The following ADAMTSL1 variants were observed in gnomAD, a reference collection of about 807,000 sequenced individuals.
The protein encoded by ADAMTSL1 is ADAMTS like 1, also known as ADAMTS-like protein 1.
A neutral mutation model predicts 201.8 loss-of-function variants in ADAMTSL1; 126 were observed. The ratio of observed to expected loss-of-function variants is 0.62; its 90% CI spans 0.54 to 0.72. The LOEUF (loss-of-function observed/expected upper bound fraction) is 0.72, where lower values mean the gene tolerates loss of function less well. Among genes scored for constraint, ADAMTSL1 ranks in the 30% least tolerant of loss-of-function variants. ADAMTSL1 has a pLI of 0.00. For missense variants in ADAMTSL1, 2,679 were observed against 2,277.8 expected (o/e 1.18, Z -3.59); for synonymous variants, 1,121 against 903.4 (o/e 1.24, Z -4.32).
At chr9:18,356,439 G>C (rs1261215917) in intron 2 of ADAMTSL1, among the ~76,000 whole-genome samples, 1 of 149,600 alleles carries the variant, frequency 6.7e-6, no homozygotes, top group Admixed American at 6.8e-5. Flanking sequence ...AAGGCAGGAA[G>C]GTCAATTGAA....
chr9:18,467,771 C>T (rs1039825971), intron 2 of ADAMTSL1, among the ~76,000 whole-genome samples: 1 of 152,118 alleles, frequency 6.6e-6, no homozygotes, highest in Non-Finnish European at 1.5e-5. Flanking sequence ...GTATTTCAAT[C>T]GAGGTGGAGC....
chr9:18,182,995 A>G (rs1009714517), intron 2 of ADAMTSL1, among the ~76,000 whole-genome samples: 1 of 152,220 alleles, frequency 6.6e-6, no homozygotes, highest in Non-Finnish European at 1.5e-5. Flanking sequence ...TACTGGGTTC[A>G]AAACTAGACC....
intron 23 of ADAMTSL1, among the ~76,000 whole-genome samples, chr9:18,838,562 C>G (rs546648863): frequency 5.4e-4 from 82 of 152,220 alleles, no homozygotes; most frequent in Non-Finnish European, 1.0e-3. Context: ...CATGGTGATT[C>G]ACACCTGTAA....
chr9:18,015,139 G>A (rs1820204837), intron 1 of ADAMTSL1, among the ~76,000 whole-genome samples: 1 of 152,008 alleles, frequency 6.6e-6, no homozygotes, highest in Non-Finnish European at 1.5e-5. Flanking sequence ...TATTGATCTA[G>A]GGAAGTGAGA....
At chr9:18,391,855 C>CTT (rs1838063320) in intron 2 of ADAMTSL1, among the ~76,000 whole-genome samples, 2 of 124,008 alleles carry the variant, frequency 1.6e-5, no homozygotes, top group African/African-American at 3.0e-5. Flanking sequence ...GATGGAGCCT[C>CTT]GCTCTGCAGC....
chr9:18,686,625 A>C (rs1213222528), intron 13 of ADAMTSL1, among the ~76,000 whole-genome samples: 2 of 152,230 alleles, frequency 1.3e-5, no homozygotes, highest in East Asian at 3.9e-4. Flanking sequence ...ATTTTACCTA[A>C]ATAAACTCTT....
chr9:18,136,788 A>T (rs1826175841), intron 1 of ADAMTSL1, among the ~76,000 whole-genome samples: 1 of 152,146 alleles, frequency 6.6e-6, no homozygotes, highest in South Asian at 2.1e-4. Flanking sequence ...GGCAAGGAGT[A>T]AGACCTTATT....
chr9:18,005,830 C>G (rs1165728718), intron 1 of ADAMTSL1, among the ~76,000 whole-genome samples: 5 of 152,018 alleles, frequency 3.3e-5, no homozygotes, highest in Non-Finnish European at 7.4e-5. Context: ...GGCCTCTTCT[C>G]TGCCTCTCTT....
intron 2 of ADAMTSL1, among the ~76,000 whole-genome samples, chr9:18,240,204 C>G (rs1412643306): frequency 1.3e-5 from 2 of 152,150 alleles, no homozygotes; most frequent in Non-Finnish European, 2.9e-5. Flanking sequence ...AAAGTCAAAA[C>G]TAATCCTTAA....
intron 9 of ADAMTSL1, among the ~76,000 whole-genome samples, chr9:18,666,204 C>G (rs755906544): frequency 1.3e-5 from 2 of 152,180 alleles, no homozygotes; most frequent in Non-Finnish European, 2.9e-5. Flanking sequence ...TTGTTGCTCT[C>G]TGCTGGTGTC....
intron 1 of ADAMTSL1, among the ~76,000 whole-genome samples, chr9:17,958,168 A>G (rs894511773): frequency 6.6e-6 from 1 of 152,046 alleles, no homozygotes; most frequent in Non-Finnish European, 1.5e-5. Context: ...AAACCCTACT[A>G]TTTAAGAAGG....
At chr9:18,393,414 C>T (rs1838133613) in intron 2 of ADAMTSL1, among the ~76,000 whole-genome samples, 1 of 152,164 alleles carries the variant, frequency 6.6e-6, no homozygotes, top group Non-Finnish European at 1.5e-5. Context: ...TCTCAAGACT[C>T]ACCCAGTTTT....
intron 2 of ADAMTSL1, among the ~76,000 whole-genome samples, chr9:18,165,315 C>T (rs1827584500): frequency 6.6e-6 from 1 of 151,820 alleles, no homozygotes; most frequent in African/African-American, 2.4e-5. Context: ...ACTTCATAAA[C>T]AAGTCTAATT....
intron 2 of ADAMTSL1, among the ~76,000 whole-genome samples, chr9:18,223,894 A>G (rs1419222443): frequency 6.6e-6 from 1 of 152,010 alleles, no homozygotes; most frequent in African/African-American, 2.4e-5. Context: ...GTTCCTCCAT[A>G]GAGGTTGTAT....
At chr9:18,298,730 A>G (rs1833574949) in intron 2 of ADAMTSL1, among the ~76,000 whole-genome samples, 1 of 152,016 alleles carries the variant, frequency 6.6e-6, no homozygotes, top group African/African-American at 2.4e-5. Context: ...GTGTCAGTCA[A>G]GAACAATAAT....
intron 1 of ADAMTSL1, among the ~76,000 whole-genome samples, chr9:18,007,170 G>A (rs904121826): frequency 6.6e-6 from 1 of 151,970 alleles, no homozygotes; most frequent in Non-Finnish European, 1.5e-5. Context: ...GTTTAAGCCA[G>A]GTTCCTCAAA....
intron 4 of ADAMTSL1, among the ~76,000 whole-genome samples, chr9:18,597,811 C>G (rs1296871790): frequency 6.6e-6 from 1 of 151,996 alleles, no homozygotes; most frequent in African/African-American, 2.4e-5. Flanking sequence ...GATTTTGAGC[C>G]TTTGAACATA....
intron 2 of ADAMTSL1, among the ~76,000 whole-genome samples, chr9:18,253,299 A>C: frequency 6.6e-6 from 1 of 152,230 alleles, no homozygotes; most frequent in Non-Finnish European, 1.5e-5. Flanking sequence ...AGGGAATGAA[A>C]GGGACCCTGG....
chr9:18,877,294 C>A (rs1828225496), intron 23 of ADAMTSL1, among the ~76,000 whole-genome samples: 1 of 152,040 alleles, frequency 6.6e-6, no homozygotes, highest in East Asian at 1.9e-4. Context: ...CCAGTGTGAT[C>A]TTTTGGGAGT....
Sources: allele counts gnomAD v4.1 joint callset (sites outside exome capture counted in the v4.1 genomes callset), GRCh38; gene constraint gnomAD v4.1.1; transcripts MANE v1.5; gene names NCBI Gene and HGNC (gene_info 2026-07-23, HGNC 2026-07-21).